TMCO5A: variants seen among roughly 807,000 people sequenced by gnomAD.
TMCO5A encodes transmembrane and coiled-coil domain-containing protein 5A.
TMCO5A carries 34 observed loss-of-function variants against 42.3 expected under a neutral mutation model. The ratio of observed to expected loss-of-function variants is 0.80; its 90% confidence interval spans 0.61 to 1.07. The LOEUF (loss-of-function observed/expected upper bound fraction) is 1.07. Ranked by LOEUF, TMCO5A falls within the 50% of genes least tolerant of loss-of-function variation. The pLI is 0.00. For synonymous variants in TMCO5A, 131 were observed against 115.6 expected, an observed-to-expected ratio of 1.13 and a Z score of -0.86; for missense variants, 357 against 327.9, an observed-to-expected ratio of 1.09 and a Z score of -0.69.
At chr15:37,964,896 T>C (rs1407899694) in intron 11 of TMCO5A, among the ~76,000 whole-genome samples, 1 of 152,036 alleles carries the variant, frequency 6.6e-6, no homozygotes, top group Non-Finnish European at 1.5e-5. Context: ...ATTCTTCACA[T>C]AAATTTAAAA....
chr15:38,010,112 G>A, the TMCO5A span, among the ~76,000 whole-genome samples: 10 of 151,948 alleles, frequency 6.6e-5, no homozygotes, highest in East Asian at 1.4e-3. Flanking sequence ...GGTGGCTCCC[G>A]CCTGTAATCC....
At chr15:37,939,420 G>A (rs1395259039) in intron 6 of TMCO5A, among the ~76,000 whole-genome samples, 5 of 152,018 alleles carry the variant, frequency 3.3e-5, no homozygotes, top group Non-Finnish European at 5.9e-5. Flanking sequence ...ATTAGGAAGA[G>A]CTATAAAGAC....
chr15:37,938,776 T>C (rs1216859259), intron 6 of TMCO5A, among the ~76,000 whole-genome samples: 1 of 152,074 alleles, frequency 6.6e-6, no homozygotes, highest in African/African-American at 2.4e-5. Context: ...AAGGGTTCAA[T>C]TAGTCACTCA....
chr15:38,040,367 A>T, the TMCO5A span: 36,084 of 152,070 alleles, frequency 0.24, 4,929 homozygotes, highest in East Asian at 0.54. Flanking sequence ...CAAGTCTTGG[A>T]GGCATTCTCT....
chr15:38,016,998 TGA>T, the TMCO5A span, among the ~76,000 whole-genome samples: 1 of 151,844 alleles, frequency 6.6e-6, no homozygotes, highest in Non-Finnish European at 1.5e-5. Flanking sequence ...AGACACAGAA[TGA>T]GAGACAGAGA....
the TMCO5A span, among the ~76,000 whole-genome samples, chr15:37,991,658 T>C: frequency 6.6e-6 from 1 of 152,176 alleles, no homozygotes; most frequent in Non-Finnish European, 1.5e-5. Flanking sequence ...AGTTCCTCAA[T>C]TGTTTCTTAG....
At chr15:38,038,794 T>A in the TMCO5A span, among the ~76,000 whole-genome samples, 1 of 152,170 alleles carries the variant, frequency 6.6e-6, no homozygotes, top group African/African-American at 2.4e-5. Flanking sequence ...ATTGCTTCAT[T>A]CTCCCAACTA....
chr15:37,967,451 A>G (rs1291565418), exon 12 of TMCO5A: 2 of 152,210 alleles, frequency 1.3e-5, no homozygotes, highest in East Asian at 3.8e-4. Context: ...CAAATTTTAT[A>G]AAAGATCCTT....
At chr15:37,982,841 T>C in the TMCO5A span, among the ~76,000 whole-genome samples, 1 of 149,132 alleles carries the variant, frequency 6.7e-6, no homozygotes, top group Non-Finnish European at 1.5e-5. Flanking sequence ...TATATATATA[T>C]TTATATATGA....
the TMCO5A span, among the ~76,000 whole-genome samples, chr15:37,999,995 T>C: frequency 6.6e-6 from 1 of 152,198 alleles, no homozygotes; most frequent in African/African-American, 2.4e-5. Context: ...CTTTTTTTGA[T>C]GTGTCTTTGA....
the TMCO5A span, among the ~76,000 whole-genome samples, chr15:37,979,662 G>A: frequency 1.3e-5 from 2 of 151,998 alleles, no homozygotes; most frequent in Non-Finnish European, 2.9e-5. Context: ...TTTCTTTAAG[G>A]CAGCTGTGCT....
At position 37,938,148 on chromosome 15, in the gene TMCO5A, GA is replaced by G. The variant is rs766399068; in HGVS notation, c.316-7del. 15 of 1,562,614 alleles carry G rather than the reference GA, an allele frequency of 9.6e-6. No homozygotes were observed. Among genetic ancestry groups the G allele is most frequent in the Non-Finnish European group, 1.3e-5 (15 of 1,151,598 alleles). On this transcript the variant is annotated splice_polypyrimidine_tract_variant and intron_variant, in intron 5 of 11. Transcript: ENST00000319669. ...TTTTAATTTAGTATATTTTTTATTT[GA>G]AACTATAGCTTACAAGGAAATCACA...
At chr15:37,954,027 G>GA (rs1163925155), downstream of TMCO5A, among the ~76,000 whole-genome samples, 1 of 151,330 alleles carries the variant, frequency 6.6e-6, no homozygotes, top group Non-Finnish European at 1.5e-5. Context: ...GACATAAAAG[G>GA]AAAAAAATAA....
rs1053266553 is a variant in TMCO5A at position 37,949,490 on chromosome 15, C to T, written c.669-1546C>T. Among the ~76,000 whole-genome samples, 9 of 151,846 alleles carry T rather than the reference C, an allele frequency of 5.9e-5. No individual in the cohort carries two copies. In the East Asian group the frequency reaches 1.7e-3, roughly 29 times the overall value. ...TAATTATTATAGTGTGGTATTGGGACTGGAATAGGAAAACTGCCTAGTGGA... is the reference window on the plus strand; with the variant it reads ...TAATTATTATAGTGTGGTATTGGGATTGGAATAGGAAAACTGCCTAGTGGA... On this transcript the variant is annotated intron_variant, in intron 11 of 11. Transcript: ENST00000319669.
chr15:37,942,529 G>T, intron 9 of TMCO5A: 1 of 301,038 alleles, frequency 3.3e-6, no homozygotes, highest in Non-Finnish European at 6.2e-6. Flanking sequence ...GATATTAAGA[G>T]TAAAAACATG....
At chr15:37,973,157 C>CTTT in the TMCO5A span, among the ~76,000 whole-genome samples, 2,650 of 139,876 alleles carry the variant, frequency 0.019, 92 homozygotes, top group African/African-American at 0.066. Flanking sequence ...TCTTTTTTTC[C>CTTT]TTTTTTTTTT....
chr15:37,996,138 A>G, the TMCO5A span, among the ~76,000 whole-genome samples: 1 of 152,156 alleles, frequency 6.6e-6, no homozygotes, highest in Non-Finnish European at 1.5e-5. Flanking sequence ...CACTGATTCA[A>G]TCATTTTAGC....
the TMCO5A span, among the ~76,000 whole-genome samples, chr15:38,022,017 G>T: frequency 6.6e-6 from 1 of 152,054 alleles, no homozygotes; most frequent in East Asian, 1.9e-4. Context: ...TCACCATGTT[G>T]GCCAGGATGG....
chr15:38,009,278 T>A, the TMCO5A span, among the ~76,000 whole-genome samples: 3 of 152,316 alleles, frequency 2.0e-5, no homozygotes, highest in East Asian at 5.8e-4. Context: ...AAACTAATTA[T>A]AGAGAAGTGC....
Sources: allele counts gnomAD v4.1 joint callset (sites outside exome capture counted in the v4.1 genomes callset), GRCh38; gene constraint gnomAD v4.1.1; transcripts MANE v1.5; gene names NCBI Gene and HGNC (gene_info 2026-07-23, HGNC 2026-07-21).